Variants in RTL4 observed in about 807,000 individuals in gnomAD.
The protein encoded by RTL4 is retrotransposon Gag-like protein 4.
Under a neutral mutation model 5.3 loss-of-function variants are expected in RTL4, and 4 were observed. That is an observed-to-expected ratio of 0.75 (90% CI 0.37 to 1.72). The LOEUF (loss-of-function observed/expected upper bound fraction) is 1.72. Ranked by LOEUF, RTL4 falls within the 40% of genes most tolerant of loss-of-function variation. The pLI is 0.04. For synonymous variants in RTL4, 98 were observed against 87.3 expected, an observed-to-expected ratio of 1.12 and a Z score of -0.68; for missense variants, 260 against 227.1, an observed-to-expected ratio of 1.14 and a Z score of -0.93.
the RTL4 span, among the ~76,000 whole-genome samples, chrX:112,119,761 A>G: frequency 1.8e-5 from 2 of 111,680 alleles, no homozygotes; most frequent in East Asian, 5.6e-4. Flanking sequence ...GTTGTTTGTA[A>G]TGGGAAAGAG....
the RTL4 span, among the ~76,000 whole-genome samples, chrX:112,424,715 G>A: frequency 9.0e-6 from 1 of 111,066 alleles, no homozygotes. Flanking sequence ...GAAAGAGTAG[G>A]GCTGGGAATT....
the RTL4 span, among the ~76,000 whole-genome samples, chrX:112,219,655 C>T: frequency 8.9e-6 from 1 of 112,284 alleles, no homozygotes; most frequent in Non-Finnish European, 1.9e-5. Context: ...AAATGATGTC[C>T]ATTATCATTA....
chrX:112,112,188 C>T, the RTL4 span, among the ~76,000 whole-genome samples: 1 of 112,153 alleles, frequency 8.9e-6, no homozygotes, highest in Non-Finnish European at 1.9e-5. Context: ...GTGGGGTTGT[C>T]CCACGAGTCT....
chrX:112,122,110 A>C, the RTL4 span, among the ~76,000 whole-genome samples: 1 of 111,845 alleles, frequency 8.9e-6, no homozygotes, highest in Non-Finnish European at 1.9e-5. Flanking sequence ...AAATCAGTAT[A>C]TCAAAGAGAT....
the RTL4 span, among the ~76,000 whole-genome samples, chrX:112,220,672 A>G: frequency 8.9e-6 from 1 of 112,172 alleles, no homozygotes; most frequent in African/African-American, 3.2e-5. Context: ...ATAAGTTCCA[A>G]TTTCAGATAA....
chrX:112,388,707 A>T, the RTL4 span, among the ~76,000 whole-genome samples: 1 of 112,319 alleles, frequency 8.9e-6, no homozygotes, highest in African/African-American at 3.2e-5. Flanking sequence ...TATATGATGA[A>T]TCACATTTGT....
the RTL4 span, among the ~76,000 whole-genome samples, chrX:112,415,655 T>A: frequency 9.2e-6 from 1 of 109,218 alleles, no homozygotes; most frequent in East Asian, 2.9e-4. Flanking sequence ...CAGAAATGTA[T>A]CTTTATGACA....
the RTL4 span, among the ~76,000 whole-genome samples, chrX:112,131,276 T>A: frequency 4.6e-5 from 5 of 109,433 alleles, no homozygotes; most frequent in South Asian, 7.9e-4. Context: ...AGTCAAGCAA[T>A]TCCATTGATA....
At chrX:112,166,292 T>C in the RTL4 span, among the ~76,000 whole-genome samples, 8 of 112,083 alleles carry the variant, frequency 7.1e-5, no homozygotes, top group East Asian at 5.6e-4. Flanking sequence ...AATACCATGC[T>C]TTTAAATGGG....
chrX:112,228,212 A>G, the RTL4 span, among the ~76,000 whole-genome samples: 1 of 111,021 alleles, frequency 9.0e-6, no homozygotes, highest in Non-Finnish European at 1.9e-5. Flanking sequence ...ATAAAAAAAA[A>G]AAGTTAGTGC....
the RTL4 span, among the ~76,000 whole-genome samples, chrX:112,393,160 T>G: frequency 6.7e-3 from 638 of 94,590 alleles, 7 homozygotes; most frequent in African/African-American, 0.024. Context: ...TTTTTTTTTT[T>G]GTTTTTTTTT....
At chrX:112,129,328 A>G in the RTL4 span, among the ~76,000 whole-genome samples, 1 of 112,061 alleles carries the variant, frequency 8.9e-6, no homozygotes, top group Admixed American at 9.4e-5. Flanking sequence ...TGATCCAGCA[A>G]TTTTACTCAT....
chrX:112,407,649 G>A, the RTL4 span, among the ~76,000 whole-genome samples: 12 of 112,392 alleles, frequency 1.1e-4, no homozygotes, highest in African/African-American at 3.2e-4. Context: ...CCAGGGCCTT[G>A]AGTGAACACA....
chrX:112,258,256 A>G, the RTL4 span, among the ~76,000 whole-genome samples: 2 of 110,999 alleles, frequency 1.8e-5, no homozygotes, highest in African/African-American at 6.5e-5. Flanking sequence ...ATTATACAAC[A>G]CCAAGAGTGA....
the RTL4 span, among the ~76,000 whole-genome samples, chrX:112,368,570 G>A: frequency 9.0e-6 from 1 of 111,042 alleles, no homozygotes; most frequent in Non-Finnish European, 1.9e-5. Context: ...TTCTGGGAGG[G>A]GGTTACTGAC....
the RTL4 span, among the ~76,000 whole-genome samples, chrX:112,153,117 C>T: frequency 8.9e-6 from 1 of 112,018 alleles, no homozygotes; most frequent in African/African-American, 3.2e-5. Flanking sequence ...AATCTGACAT[C>T]AGAATTGATT....
upstream of RTL4, among the ~76,000 whole-genome samples, chrX:112,451,638 G>A (rs1165170037): frequency 9.0e-6 from 1 of 111,710 alleles, no homozygotes; most frequent in Non-Finnish European, 1.9e-5. Context: ...TCTCAAAGAG[G>A]CTAAATAACT....
the RTL4 span, among the ~76,000 whole-genome samples, chrX:112,118,871 C>A: frequency 9.0e-6 from 1 of 110,956 alleles, no homozygotes; most frequent in African/African-American, 3.3e-5. Flanking sequence ...AACCAGCAAC[C>A]ATTTATTTTG....
the RTL4 span, among the ~76,000 whole-genome samples, chrX:112,367,461 GA>G: frequency 6.3e-5 from 7 of 111,511 alleles, no homozygotes; most frequent in Middle Eastern, 4.6e-3. Flanking sequence ...AAGTCATCAG[GA>G]AAAAAACCAC....
Sources: allele counts gnomAD v4.1 joint callset (sites outside exome capture counted in the v4.1 genomes callset), GRCh38; gene constraint gnomAD v4.1.1; transcripts MANE v1.5; gene names NCBI Gene and HGNC (gene_info 2026-07-23, HGNC 2026-07-21).